Variants in PRRX1 observed in about 807,000 individuals in gnomAD.
PRRX1 encodes the protein paired related homeobox 1.
A neutral mutation model predicts 24.0 loss-of-function variants in PRRX1; 8 were observed. The ratio of observed to expected loss-of-function variants is 0.33; its 90% CI spans 0.20 to 0.60. The LOEUF (loss-of-function observed/expected upper bound fraction) is 0.60, where lower values mean the gene tolerates loss of function less well. Ranked by LOEUF, PRRX1 falls within the 20% of genes least tolerant of loss-of-function variation. PRRX1 has a pLI of 0.82. For missense variants in PRRX1, 281 were observed against 322.4 expected (o/e 0.87, Z 0.98); for synonymous variants, 160 against 131.7 (o/e 1.22, Z -1.47).
rs778731656 is a variant in PRRX1, at chr1:170,736,188, GA to G, written c.*10del. The G allele has an allele frequency of 9.3e-6, 15 of 1,613,436 alleles. No individual in the cohort carries two copies. The highest frequency in any genetic ancestry group is 1.7e-5 in the Admixed American group (1 of 59,936). ...AACCAGGTGCCAACAGTCAACTGAGGAAAAAAAATAATTAAACAGGCCTAAG... is the reference window on the plus strand; with the variant it reads ...AACCAGGTGCCAACAGTCAACTGAGGAAAAAAATAATTAAACAGGCCTAAG... On this transcript the variant is annotated 3_prime_UTR_variant, in exon 4 of 4. Transcript: ENST00000239461.
In PRRX1 at chr1:170,699,667, G is replaced by A. The variant is rs142022064; in HGVS notation, c.242-20059G>A. Among the ~76,000 whole-genome samples the A allele has an allele frequency of 3.4e-3, 524 of 152,232 alleles. 1 individual carries two copies. The highest frequency in any genetic ancestry group is 8.1e-3 in the Admixed American group (123 of 15,276). ...ATTGGCTTGCTTGGATGTAAACTGA[G>A]ATTCATACCTTTCACAATGAAACAA... On this transcript the variant is annotated intron_variant, in intron 1 of 3. Transcript: ENST00000239461.
In PRRX1 at chr1:170,737,326, G is replaced by T; in HGVS notation, c.*1140G>T. ...TTTTCTACACGAAGTTTTCATTAAA[G>T]CCACAGAATAATTGATAGGGCAGCT... is the stretch of plus-strand genomic sequence containing the variant. On this transcript the variant is annotated 3_prime_UTR_variant, in exon 4 of 4. Transcript: ENST00000239461. 1 of 190,448 alleles carries T rather than the reference G, an allele frequency of 5.3e-6. No homozygotes were observed. 11.8% of individuals were successfully genotyped at this position (190,448 alleles called of 1,614,324 possible). A position where few individuals can be genotyped will look rare whatever the true frequency, so the allele number is the denominator to read the frequency against.
At chr1:170,701,653 G>A (rs1654363703) in intron 1 of PRRX1, among the ~76,000 whole-genome samples, 1 of 152,090 alleles carries the variant, frequency 6.6e-6, no homozygotes, top group Non-Finnish European at 1.5e-5. Context: ...GCAACAGGGA[G>A]AATGCTTCAA....
chr1:170,736,232 A>G lies in PRRX1; in HGVS notation c.*46A>G. 5 of 1,607,094 alleles carry G rather than the reference A, an allele frequency of 3.1e-6. No individual in the cohort carries two copies. Among genetic ancestry groups the G allele is most frequent in the Non-Finnish European group, 3.4e-6 (4 of 1,173,892 alleles). ...GGCCTAAGAAGAAATCAAAAACCAT[A>G]AGACACCTATCCTGCTCTGTTATTT... On this transcript the variant is annotated 3_prime_UTR_variant, in exon 4 of 4. Coordinates refer to ENST00000239461, the MANE Select transcript of PRRX1 (RefSeq NM_022716.4).
intron 1 of PRRX1, among the ~76,000 whole-genome samples, chr1:170,713,191 A>T (rs751374593): frequency 5.9e-5 from 9 of 152,236 alleles, no homozygotes; most frequent in Non-Finnish European, 1.2e-4. Flanking sequence ...TAAGAGCTTC[A>T]ATTAAATACA....
chr1:170,695,975 C>T (rs779614166), intron 1 of PRRX1, among the ~76,000 whole-genome samples: 1 of 152,154 alleles, frequency 6.6e-6, no homozygotes, highest in Admixed American at 6.6e-5. Context: ...ATAAAACATG[C>T]TTTTCTCTAC....
intron 1 of PRRX1, among the ~76,000 whole-genome samples, chr1:170,710,269 G>GT (rs200579666): frequency 2.0e-5 from 3 of 152,108 alleles, no homozygotes; most frequent in East Asian, 3.8e-4. Context: ...ATTATTGAAA[G>GT]TTTTTTATTA....
intron 2 of PRRX1, among the ~76,000 whole-genome samples, chr1:170,725,030 C>A (rs1252029059): frequency 6.6e-6 from 1 of 152,002 alleles, no homozygotes; most frequent in Admixed American, 6.6e-5. Flanking sequence ...GTTTTTTATT[C>A]TCTTTGTAGC....
chr1:170,668,732 G>C (rs1381876451), intron 1 of PRRX1: 1 of 152,190 alleles, frequency 6.6e-6, no homozygotes, highest in African/African-American at 2.4e-5. Context: ...AGTAATATCA[G>C]CTTCTAGAGT....
intron 1 of PRRX1, among the ~76,000 whole-genome samples, chr1:170,719,310 C>G (rs1655007918): frequency 6.6e-6 from 1 of 152,196 alleles, no homozygotes; most frequent in Non-Finnish European, 1.5e-5. Flanking sequence ...GATAATTGGT[C>G]TACTTGATTA....
chr1:170,688,760 A>G (rs1653828316), intron 1 of PRRX1, among the ~76,000 whole-genome samples: 1 of 152,100 alleles, frequency 6.6e-6, no homozygotes. Flanking sequence ...ACACTTGAAG[A>G]GTTTGTCTTT....
At chr1:170,712,576 CATT>C (rs1337344795) in intron 1 of PRRX1, among the ~76,000 whole-genome samples, 4 of 152,152 alleles carry the variant, frequency 2.6e-5, no homozygotes, top group Non-Finnish European at 5.9e-5. Flanking sequence ...TTTGAGAACA[CATT>C]ATGGTAGCAC....
intron 1 of PRRX1, among the ~76,000 whole-genome samples, chr1:170,691,020 T>C (rs1208244303): frequency 6.6e-6 from 1 of 152,084 alleles, no homozygotes; most frequent in African/African-American, 2.4e-5. Flanking sequence ...GATAATGTAA[T>C]GAAAAGATGC....
chr1:170,662,935 G>A (rs1462586805), upstream of PRRX1: 2 of 152,146 alleles, frequency 1.3e-5, no homozygotes, highest in Non-Finnish European at 2.9e-5. Flanking sequence ...GTGAGTTTCA[G>A]TTTGTCTTTT....
At chr1:170,668,877 T>G (rs1206467248) in intron 1 of PRRX1, 1 of 152,076 alleles carries the variant, frequency 6.6e-6, no homozygotes, top group Non-Finnish European at 1.5e-5. Flanking sequence ...ATATAAAGCT[T>G]TAAGGGTAGC....
chr1:170,669,989 C>T (rs902721932), intron 1 of PRRX1, among the ~76,000 whole-genome samples: 2 of 152,056 alleles, frequency 1.3e-5, no homozygotes, highest in African/African-American at 4.8e-5. Context: ...AAATGTAAAA[C>T]GTGGGGGCTC....
intron 1 of PRRX1, among the ~76,000 whole-genome samples, chr1:170,697,263 CA>C (rs1266197373): frequency 2.0e-5 from 3 of 152,114 alleles, no homozygotes; most frequent in Non-Finnish European, 4.4e-5. Flanking sequence ...ATTGGGAAAA[CA>C]GCTTCATCTC....
intron 1 of PRRX1, among the ~76,000 whole-genome samples, chr1:170,713,011 A>G (rs991927570): frequency 6.6e-6 from 1 of 152,158 alleles, no homozygotes; most frequent in African/African-American, 2.4e-5. Context: ...TCATGTCTTT[A>G]TCAAAGAGAG....
intron 1 of PRRX1, among the ~76,000 whole-genome samples, chr1:170,686,277 T>A (rs1653738051): frequency 6.6e-6 from 1 of 151,930 alleles, no homozygotes; most frequent in Non-Finnish European, 1.5e-5. Context: ...AAATGCTAGC[T>A]TAGAGGACTA....
Sources: allele counts gnomAD v4.1 joint callset (sites outside exome capture counted in the v4.1 genomes callset), GRCh38; gene constraint gnomAD v4.1.1; transcripts MANE v1.5; gene names NCBI Gene and HGNC (gene_info 2026-07-23, HGNC 2026-07-21).